The following EYA3 variants were observed in gnomAD, a reference collection of about 807,000 sequenced individuals.
EYA3 encodes the protein EYA transcriptional coactivator and phosphatase 3.
EYA3 carries 39 observed loss-of-function variants against 80.0 expected under a neutral mutation model. The ratio of observed to expected loss-of-function variants is 0.49; its 90% CI spans 0.38 to 0.64. EYA3 has a LOEUF of 0.64. Ranked by LOEUF, EYA3 falls within the 30% of genes least tolerant of loss-of-function variation. EYA3 has a pLI of 0.00. For missense variants in EYA3, 523 were observed against 676.1 expected, an observed-to-expected ratio of 0.77 and a Z score of 2.51; for synonymous variants, 206 against 232.8, an observed-to-expected ratio of 0.88 and a Z score of 1.05.
chr1:28,070,856 A>G (rs1428244045), intron 1 of EYA3, among the ~76,000 whole-genome samples: 2 of 152,196 alleles, frequency 1.3e-5, no homozygotes, highest in Non-Finnish European at 2.9e-5. Flanking sequence ...AGATCTTTCC[A>G]ACGCCTTAAC....
chr1:28,007,603 G>C (rs1197669537), intron 10 of EYA3, among the ~76,000 whole-genome samples: 1 of 151,964 alleles, frequency 6.6e-6, no homozygotes, highest in East Asian at 1.9e-4. Context: ...AAAGTGCTGG[G>C]ATTACAGACT....
At chr1:28,081,778 C>G (rs1645438390) in intron 1 of EYA3, among the ~76,000 whole-genome samples, 1 of 152,146 alleles carries the variant, frequency 6.6e-6, no homozygotes, top group Admixed American at 6.5e-5. Flanking sequence ...GCTAATCATT[C>G]TAATGTATTC....
chr1:28,084,554 AAAATAT>A (rs1252634174), intron 1 of EYA3, among the ~76,000 whole-genome samples: 2 of 58,076 alleles, frequency 3.4e-5, no homozygotes, highest in African/African-American at 1.5e-4. Flanking sequence ...TGACTATTCC[AAAATAT>A]ATATATATAT....
chr1:28,041,880 C>T (rs1209576456), intron 4 of EYA3, among the ~76,000 whole-genome samples: 1 of 151,996 alleles, frequency 6.6e-6, no homozygotes, highest in East Asian at 1.9e-4. Flanking sequence ...ACTTCCTGAC[C>T]CTGAAGTATG....
Position 27,974,435 on chromosome 1 carries a change from A to C in EYA3, c.*31T>G. Reference sequence around the variant, plus strand: ...CCAGCTCCCTTCAGGAGTGAAAAGGAGCTCAAGGGGAAGGCTCCTCATTCC... The same window carrying C: ...CCAGCTCCCTTCAGGAGTGAAAAGGCGCTCAAGGGGAAGGCTCCTCATTCC... On this transcript the variant is annotated 3_prime_UTR_variant, in exon 18 of 18. Transcript: ENST00000373871. The C allele has an allele frequency of 6.3e-7, 1 of 1,580,428 alleles. No homozygotes were observed. The highest frequency in any genetic ancestry group is 8.7e-7 in the Non-Finnish European group (1 of 1,152,010).
intron 11 of EYA3, among the ~76,000 whole-genome samples, chr1:28,001,660 A>G (rs1174129587): frequency 6.9e-6 from 1 of 145,484 alleles, no homozygotes; most frequent in Admixed American, 6.8e-5. Flanking sequence ...AATAGCGTGA[A>G]CCTGGGAGGT....
intron 14 of EYA3, among the ~76,000 whole-genome samples, chr1:27,991,148 T>C (rs1640033434): frequency 6.6e-6 from 1 of 152,064 alleles, no homozygotes; most frequent in Non-Finnish European, 1.5e-5. Flanking sequence ...GTGCGAAAAA[T>C]TAGTGTTACA....
chr1:28,085,934 T>A (rs1645635916), intron 1 of EYA3, among the ~76,000 whole-genome samples: 1 of 152,200 alleles, frequency 6.6e-6, no homozygotes, highest in Non-Finnish European at 1.5e-5. Context: ...AACAAAAGAC[T>A]CCTAAAACTT....
At chr1:28,073,127 A>ATATATATATATATTTTTTTTTTTT (rs1553157671) in intron 1 of EYA3, among the ~76,000 whole-genome samples, 1 of 14,998 alleles carries the variant, frequency 6.7e-5, no homozygotes, top group Non-Finnish European at 1.1e-4. Context: ...ATATATATAT[A>ATATATATATATATTTTTTTTTTTT]TTTTTTTTTT....
intron 1 of EYA3, among the ~76,000 whole-genome samples, chr1:28,075,610 G>A (rs1645173070): frequency 6.6e-6 from 1 of 152,172 alleles, no homozygotes; most frequent in Admixed American, 6.5e-5. Context: ...CTACTGAGGA[G>A]CTAGAGGGAA....
chr1:28,048,086 T>C (rs770053550), intron 3 of EYA3, among the ~76,000 whole-genome samples: 1 of 152,192 alleles, frequency 6.6e-6, no homozygotes, highest in Non-Finnish European at 1.5e-5. Flanking sequence ...AAGAATATGG[T>C]GCTTTTCATC....
intron 7 of EYA3, among the ~76,000 whole-genome samples, chr1:28,020,356 C>T (rs1225336843): frequency 2.6e-5 from 4 of 152,064 alleles, no homozygotes; most frequent in Non-Finnish European, 5.9e-5. Context: ...TTTTCTCCAA[C>T]TAAGCCAAAT....
At position 28,010,877 on chromosome 1, in the gene EYA3, A is replaced by G. The variant is rs537490200; in HGVS notation, c.909+70T>C. ...GTGCACATTATCTCTGTGAGCTTCA[A>G]AAACATGTTTGATAAACTTAAGAAG... On this transcript the variant is annotated intron_variant, in intron 10 of 17. Coordinates refer to ENST00000373871, the MANE Select transcript of EYA3 (RefSeq NM_001990.4). 1.7e-5 allele frequency: 26 copies of G among 1,548,940 alleles called. No individual in the cohort carries two copies. In the South Asian group the frequency reaches 2.5e-4, roughly 15 times the overall value.
intron 2 of EYA3, among the ~76,000 whole-genome samples, chr1:28,051,164 G>A (rs182122798): frequency 1.4e-4 from 22 of 152,244 alleles, no homozygotes; most frequent in Non-Finnish European, 3.1e-4. Flanking sequence ...AAAAAGCTCC[G>A]TTAGGGTTAA....
At chr1:28,087,784 T>G (rs2148972198) in intron 1 of EYA3, among the ~76,000 whole-genome samples, 1 of 152,334 alleles carries the variant, frequency 6.6e-6, no homozygotes, top group Non-Finnish European at 1.5e-5. Flanking sequence ...CTGCTAGCAG[T>G]ACCGTGTGCC....
chr1:28,006,858 AT>A (rs1345065477), intron 10 of EYA3, among the ~76,000 whole-genome samples: 1 of 151,416 alleles, frequency 6.6e-6, no homozygotes, highest in Non-Finnish European at 1.5e-5. Flanking sequence ...AGCCAGAGAG[AT>A]TTGGCAAGAA....
At chr1:28,042,747 T>C (rs1643855988) in intron 3 of EYA3, 97 bp from the exon 4 acceptor site, 2 of 921,740 alleles carry the variant, frequency 2.2e-6, no homozygotes, top group Admixed American at 3.9e-5. Context: ...GCTATATAAG[T>C]AAGAGGCAAA....
At chr1:28,065,445 G>C (rs1644799729) in intron 1 of EYA3, among the ~76,000 whole-genome samples, 1 of 151,716 alleles carries the variant, frequency 6.6e-6, no homozygotes, top group Non-Finnish European at 1.5e-5. Flanking sequence ...GCTAATTTTT[G>C]TATTTTTAGT....
In EYA3 at chr1:27,970,846, T is replaced by A. The variant is rs1273468006; in HGVS notation, c.*3620A>T. 5 of 152,172 alleles carry A rather than the reference T, an allele frequency of 3.3e-5. No homozygotes were observed. The highest frequency in any genetic ancestry group is 1.3e-4 in the Admixed American group (2 of 15,274). The allele number at this position is 152,172 out of a possible 1,614,324, so 9.4% of individuals were successfully genotyped here. A position where few individuals can be genotyped will look rare whatever the true frequency, so the allele number is the denominator to read the frequency against. ...AAGGAGTCAGAGGAAGACCCTAAGC[T>A]CACCATTCCTTGGCCCAGACCATTG... is the stretch of plus-strand genomic sequence containing the variant. On this transcript the variant is annotated 3_prime_UTR_variant, in exon 18 of 18. Coordinates refer to ENST00000373871, the MANE Select transcript of EYA3 (RefSeq NM_001990.4).
Sources: allele counts gnomAD v4.1 joint callset (sites outside exome capture counted in the v4.1 genomes callset), GRCh38; gene constraint gnomAD v4.1.1; transcripts MANE v1.5; gene names NCBI Gene and HGNC (gene_info 2026-07-23, HGNC 2026-07-21).